The following LIPJ variants were observed in gnomAD, a reference collection of about 807,000 sequenced individuals.
The protein encoded by LIPJ is lipase member J.
A neutral mutation model predicts 39.8 loss-of-function variants in LIPJ; 33 were observed. That is an observed-to-expected ratio of 0.83 (90% confidence interval 0.63 to 1.11). The LOEUF is 1.11. LIPJ is among the 50% of genes least tolerant of loss of function. LIPJ has a pLI of 0.00. For synonymous variants in LIPJ, 128 were observed against 139.2 expected (o/e 0.92, Z 0.57); for missense variants, 422 against 427.9 (o/e 0.99, Z 0.12).
chr10:88,619,761 G>A, the LIPJ span, among the ~76,000 whole-genome samples: 1,127 of 152,022 alleles, frequency 7.4e-3, 8 homozygotes, highest in African/African-American at 0.026. Context: ...ATGGATTGCA[G>A]AGCCAAAAAT....
the LIPJ span, among the ~76,000 whole-genome samples, chr10:88,614,788 C>G: frequency 6.6e-6 from 1 of 151,928 alleles, no homozygotes; most frequent in Admixed American, 6.6e-5. Flanking sequence ...TATTAAATAT[C>G]AAGAATTATA....
At chr10:88,613,816 G>GTGTA in the LIPJ span, among the ~76,000 whole-genome samples, 32 of 69,658 alleles carry the variant, frequency 4.6e-4, no homozygotes, top group African/African-American at 1.6e-3. Context: ...GTGTGTGTGT[G>GTGTA]TATATATATA....
chr10:88,608,607 G>A (rs577128409), downstream of LIPJ, among the ~76,000 whole-genome samples: 8 of 152,262 alleles, frequency 5.3e-5, no homozygotes, highest in African/African-American at 1.7e-4. Context: ...TAACAAAAAC[G>A]ATCCATAATT....
the LIPJ span, among the ~76,000 whole-genome samples, chr10:88,612,993 C>T: frequency 1.3e-5 from 2 of 152,140 alleles, no homozygotes; most frequent in Non-Finnish European, 2.9e-5. Context: ...GGCCACAAAA[C>T]AAGTCTCAGT....
At chr10:88,598,843 A>G (rs1851347964) in intron 8 of LIPJ, among the ~76,000 whole-genome samples, 1 of 151,334 alleles carries the variant, frequency 6.6e-6, no homozygotes, top group Non-Finnish European at 1.5e-5. Context: ...TCAAATACAG[A>G]GAAGAATTAT....
chr10:88,590,823 C>T (rs1444598093), intron 3 of LIPJ, 127 bp downstream of exon 3: 9 of 651,130 alleles, frequency 1.4e-5, no homozygotes, highest in Non-Finnish European at 2.4e-5. Context: ...TTCTCATCTG[C>T]TATTCTATAG....
intron 8 of LIPJ, among the ~76,000 whole-genome samples, chr10:88,602,094 G>C (rs909788035): frequency 6.6e-5 from 10 of 152,106 alleles, no homozygotes; most frequent in Admixed American, 2.0e-4. Context: ...ACAGGCCTTA[G>C]ACTTTGATTT....
the LIPJ span, among the ~76,000 whole-genome samples, chr10:88,619,648 A>C: frequency 6.6e-5 from 10 of 152,136 alleles, no homozygotes. Context: ...GGGGTCCTTA[A>C]AACCTTTCCT....
At chr10:88,601,199 C>T (rs928195745) in intron 8 of LIPJ, among the ~76,000 whole-genome samples, 4 of 152,066 alleles carry the variant, frequency 2.6e-5, no homozygotes, top group Admixed American at 6.6e-5. Context: ...CCACCCACCT[C>T]GGCTTCCCAA....
intron 4 of LIPJ, chr10:88,593,640 C>T: frequency 5.2e-6 from 1 of 194,054 alleles, no homozygotes; most frequent in East Asian, 1.3e-4. Context: ...AAATGTGTTA[C>T]TTAAAATGTG....
At chr10:88,587,349 G>C (rs1850942311) in exon 2 of LIPJ, 1 of 151,978 alleles carries the variant, frequency 6.6e-6, no homozygotes, top group Admixed American at 6.6e-5. Context: ...TGACTACTTT[G>C]AAGACACATA....
the LIPJ span, among the ~76,000 whole-genome samples, chr10:88,619,453 CCA>C: frequency 1.4e-5 from 2 of 146,936 alleles, no homozygotes. Context: ...CCCCCTCTTG[CCA>C]CACACACACA....
chr10:88,604,055 GA>G (rs1439427933), intron 9 of LIPJ, among the ~76,000 whole-genome samples: 1 of 152,130 alleles, frequency 6.6e-6, no homozygotes, highest in Admixed American at 6.6e-5. Flanking sequence ...TAGGTATATA[GA>G]TTATAAACAA....
chr10:88,591,349 G>A (rs752191514), intron 3 of LIPJ, 29 bp from the exon 4 acceptor site: 1 of 1,557,726 alleles, frequency 6.4e-7, no homozygotes, highest in East Asian at 2.3e-5. Flanking sequence ...ACAATTTTAT[G>A]CTAAAAGATT....
At chr10:88,600,612 T>C (rs1281240521) in intron 8 of LIPJ, among the ~76,000 whole-genome samples, 1 of 152,198 alleles carries the variant, frequency 6.6e-6, no homozygotes, top group Non-Finnish European at 1.5e-5. Flanking sequence ...CTTTTGCTGA[T>C]TGTTTTATGT....
At chr10:88,611,533 G>C (rs984121535), downstream of LIPJ, among the ~76,000 whole-genome samples, 69 of 152,186 alleles carry the variant, frequency 4.5e-4, 1 homozygote, top group Non-Finnish European at 2.6e-4. Flanking sequence ...GAATAAGAAA[G>C]GAAAATTCTT....
upstream of LIPJ, chr10:88,583,082 C>T: frequency 6.2e-7 from 1 of 1,612,476 alleles, no homozygotes; most frequent in East Asian, 2.2e-5. Context: ...CCTGAGTCCT[C>T]AGCCTTGTCC....
Position 88,596,931 on chromosome 10 carries a change from AAT to A in LIPJ, c.721_722del (p.Met241GlufsTer35), listed in dbSNP as rs755939544. 1 of 1,484,214 alleles carries A rather than the reference AAT, an allele frequency of 6.7e-7. No homozygotes were observed. Among genetic ancestry groups the A allele is most frequent in the Non-Finnish European group, 9.2e-7 (1 of 1,082,740 alleles). The allele number at this position is 1,484,214 out of a possible 1,614,324, so 91.9% of individuals were successfully genotyped here. A position where few individuals can be genotyped will look rare whatever the true frequency, so the allele number is the denominator to read the frequency against. ...GTTTGGATATGACCCAAAAAACTTA[AAT>A]ATGGTAAGAACAAGTTGTATTTGAA... On this transcript the variant is annotated frameshift_variant, in exon 8 of 11. Transcript: ENST00000371939. LOFTEE classifies it high-confidence loss of function.
chr10:88,602,694 C>T, intron 9 of LIPJ, 47 bp downstream of exon 9: 1 of 1,149,068 alleles, frequency 8.7e-7, no homozygotes, highest in Non-Finnish European at 1.3e-6. Context: ...TCATGCTACT[C>T]ATGGTTTACC....
Sources: allele counts gnomAD v4.1 joint callset (sites outside exome capture counted in the v4.1 genomes callset), GRCh38; gene constraint gnomAD v4.1.1; transcripts MANE v1.5; gene names NCBI Gene and HGNC (gene_info 2026-07-23, HGNC 2026-07-21).